BFSP2: variants seen among roughly 807,000 people sequenced by gnomAD.
BFSP2 encodes beaded filament structural protein 2, also known as phakinin.
A neutral mutation model predicts 44.9 loss-of-function variants in BFSP2; 38 were observed. The ratio of observed to expected loss-of-function variants is 0.85; its 90% CI spans 0.65 to 1.11. BFSP2 has a LOEUF of 1.11. Among genes scored for constraint, BFSP2 ranks in the 50% least tolerant of loss-of-function variants. The pLI, the probability that BFSP2 is intolerant of heterozygous loss-of-function variation, is 0.00. For synonymous variants in BFSP2, 197 were observed against 209.9 expected, an observed-to-expected ratio of 0.94 and a Z score of 0.53; for missense variants, 525 against 533.0, an observed-to-expected ratio of 0.99 and a Z score of 0.15.
intron 6 of BFSP2, among the ~76,000 whole-genome samples, chr3:133,473,095 G>A (rs1395615251): frequency 6.6e-6 from 1 of 151,922 alleles, no homozygotes; most frequent in Non-Finnish European, 1.5e-5. Flanking sequence ...ACCCCAGCTG[G>A]GCATCTTTTT....
rs1165879326 is a variant in BFSP2, at chr3:133,400,518, A to G, written c.435A>G (p.Thr145=). ...QLRMHLESKA[T]RSGNWGALRA... ...GGATGCACCTGGAGAGCAAAGCCAC[A>G]CGCTCGGGAAACTGGGGTGCCCTAC... Residue 145 remains threonine, a synonymous_variant, in exon 1 of 7, where the codon ACA becomes ACG. Transcript: ENST00000302334. This position sits in a 1 kb window ranked among gnomAD's most constrained non-coding sequence, Gnocchi z 4.0. The G allele has an allele frequency of 6.2e-7, 1 of 1,613,682 alleles. No homozygotes were observed. The highest frequency in any genetic ancestry group is 1.3e-5 in the African/African-American group (1 of 74,926).
chr3:133,416,838 G>C (rs796588918), intron 1 of BFSP2, among the ~76,000 whole-genome samples: 115 of 53,494 alleles, frequency 2.1e-3, no homozygotes, highest in Middle Eastern at 0.016. Flanking sequence ...CCTCTACTCA[G>C]CCCTGTTCTC....
chr3:133,472,043 C>G (rs1260231286), intron 5 of BFSP2, among the ~76,000 whole-genome samples: 2 of 152,102 alleles, frequency 1.3e-5, no homozygotes, highest in Non-Finnish European at 2.9e-5. Context: ...CCCCGCTCCT[C>G]TCTCTCCTCA....
At position 133,472,589 on chromosome 3, in the gene BFSP2, T is replaced by G. The variant is rs765224076; in HGVS notation, c.1244+24T>G. On this transcript the variant is annotated intron_variant, in intron 6 of 6. Transcript: ENST00000302334. Reference sequence around the variant, plus strand: ...GGGTAAGCCTCGCTTCCGCGTCAATTATCCAAGAGATGCATATTCATGGCT... The same window carrying G: ...GGGTAAGCCTCGCTTCCGCGTCAATGATCCAAGAGATGCATATTCATGGCT... 7 of 1,605,866 alleles carry G rather than the reference T, an allele frequency of 4.4e-6. No individual in the cohort carries two copies. In the East Asian group the frequency reaches 1.3e-4, roughly 31 times the overall value.
At chr3:133,443,239 G>A (rs1241918649) in intron 1 of BFSP2, among the ~76,000 whole-genome samples, 2 of 152,176 alleles carry the variant, frequency 1.3e-5, no homozygotes, top group African/African-American at 4.8e-5. Flanking sequence ...CTCAAAGAGA[G>A]GGTGAGTATG....
intron 1 of BFSP2, chr3:133,445,335 G>C (rs1188350331): frequency 6.6e-6 from 1 of 152,384 alleles, no homozygotes; most frequent in African/African-American, 2.4e-5. Flanking sequence ...GTGAAACCGG[G>C]GTTCTCAAGG....
intron 1 of BFSP2, among the ~76,000 whole-genome samples, chr3:133,444,125 T>C (rs2073871788): frequency 6.6e-6 from 1 of 151,864 alleles, no homozygotes; most frequent in Admixed American, 6.6e-5. Flanking sequence ...CATATATATA[T>C]ATCAAGCCAC....
At chr3:133,431,699 G>A (rs1470820108) in intron 1 of BFSP2, among the ~76,000 whole-genome samples, 4 of 151,546 alleles carry the variant, frequency 2.6e-5, no homozygotes, top group African/African-American at 4.9e-5. Context: ...TTATCAATAC[G>A]AGGCTACCCA....
chr3:133,425,936 C>G (rs1347225643), intron 1 of BFSP2, among the ~76,000 whole-genome samples: 15 of 4,300 alleles, frequency 3.5e-3, no homozygotes, highest in African/African-American at 4.1e-3. Flanking sequence ...CTAGGGAAGG[C>G]AAGGGAAGGG....
intron 1 of BFSP2, among the ~76,000 whole-genome samples, chr3:133,413,619 G>A (rs1228715801): frequency 6.6e-6 from 1 of 152,018 alleles, no homozygotes; most frequent in African/African-American, 2.4e-5. Flanking sequence ...GTTTATTGTC[G>A]TCTGGCTGGG....
intron 1 of BFSP2, among the ~76,000 whole-genome samples, chr3:133,426,261 C>T (rs548918697): frequency 6.6e-6 from 1 of 152,000 alleles, no homozygotes; most frequent in Non-Finnish European, 1.5e-5. Flanking sequence ...CATCCCCTCA[C>T]CCTCGCAGGC....
chr3:133,444,138 G>A (rs1354112714), intron 1 of BFSP2, among the ~76,000 whole-genome samples: 4 of 151,816 alleles, frequency 2.6e-5, no homozygotes, highest in African/African-American at 9.7e-5. Context: ...CAAGCCACTA[G>A]ATGGAAGTCT....
intron 1 of BFSP2, among the ~76,000 whole-genome samples, chr3:133,414,321 C>T (rs1576560359): frequency 1.2e-5 from 1 of 80,058 alleles, no homozygotes; most frequent in Non-Finnish European, 2.5e-5. Flanking sequence ...CCCCTCTACT[C>T]ACCCCTGCTC....
intron 4 of BFSP2, among the ~76,000 whole-genome samples, chr3:133,463,535 G>A (rs571559477): frequency 5.9e-5 from 9 of 152,346 alleles, no homozygotes; most frequent in Admixed American, 2.6e-4. Flanking sequence ...AGGGGAGCAT[G>A]CGCAGTGTGT....
intron 1 of BFSP2, among the ~76,000 whole-genome samples, chr3:133,438,598 G>A (rs1222441687): frequency 2.6e-5 from 4 of 152,128 alleles, no homozygotes; most frequent in Non-Finnish European, 5.9e-5. Flanking sequence ...GCGGGGAGAG[G>A]AAAGTGTGGG....
intron 1 of BFSP2, among the ~76,000 whole-genome samples, chr3:133,416,050 A>C (rs1576562672): frequency 1.9e-5 from 2 of 103,426 alleles, no homozygotes; most frequent in East Asian, 2.9e-4. Flanking sequence ...TCTCCTCTCT[A>C]CTCATCCCTC....
At chr3:133,472,665 C>A in intron 6 of BFSP2, 100 bp downstream of exon 6, 2 of 1,432,662 alleles carry the variant, frequency 1.4e-6, no homozygotes, top group Non-Finnish European at 1.9e-6. Flanking sequence ...GAAGAAATCA[C>A]CCCAGACTTC....
At chr3:133,468,830 T>C (rs373571904) in intron 5 of BFSP2, among the ~76,000 whole-genome samples, 3 of 152,210 alleles carry the variant, frequency 2.0e-5, no homozygotes, top group East Asian at 3.8e-4. Flanking sequence ...GTGGAGATAA[T>C]TGTTGTAGCT....
rs1422124753 is a variant in BFSP2 at position 133,420,373 on chromosome 3, C to T, written c.489+19801C>T. ...AAGGAATGAAGCAGGCATAGAGCTG[C>T]TGTTAGTAAAGAAGCAGCAGTCATC... is the stretch of plus-strand genomic sequence containing the variant. On this transcript the variant is annotated intron_variant, in intron 1 of 6. Transcript: ENST00000302334. Among the ~76,000 whole-genome samples the T allele has an allele frequency of 2.6e-5, 4 of 152,130 alleles. No homozygotes were observed. The East Asian group carries it at 7.7e-4, about 29-fold the overall frequency.
Sources: gnomAD v4.1 joint callset for allele counts (sites outside exome capture counted in the v4.1 genomes callset) on GRCh38, gnomAD v4.1.1 for gene constraint, Gnocchi (gnomAD v3.1) non-coding constraint, MANE v1.5 for transcripts, NCBI Gene and HGNC (gene_info 2026-07-23, HGNC 2026-07-21) for gene names.